FH: variants seen among roughly 807,000 people sequenced by gnomAD.
FH encodes the protein fumarate hydratase, mitochondrial.
In FH, 22 loss-of-function variants were observed where a neutral mutation model predicts 49.4. That is an observed-to-expected ratio of 0.45 (90% CI 0.32 to 0.64). The LOEUF is 0.64. Among genes scored for constraint, FH ranks in the 30% least tolerant of loss-of-function variants. The pLI is 0.05. For synonymous variants in FH, 208 were observed against 223.0 expected (o/e 0.93, Z 0.60); for missense variants, 526 against 641.5 (o/e 0.82, Z 1.95).
At chr1:241,512,248 ATCACTTGC>A in intron 3 of FH, 105 bp from the exon 4 acceptor site, 2 of 947,814 alleles carry the variant, frequency 2.1e-6, no homozygotes, top group Non-Finnish European at 3.3e-6. Context: ...CTTCTGAAGC[ATCACTTGC>A]TCCAACCACA....
rs919900269 is a variant in FH at position 241,502,653 on chromosome 1, T to C, written c.1109-83A>G. 60 of 1,469,444 alleles carry C rather than the reference T, an allele frequency of 4.1e-5. No homozygotes were observed. The African/African-American group carries it at 8.2e-4, about 20-fold the overall frequency. 91.0% of individuals were successfully genotyped at this position (1,469,444 alleles called of 1,614,324 possible). On this transcript the variant is annotated intron_variant, in intron 7 of 9. Coordinates refer to ENST00000366560, the MANE Select transcript of FH (RefSeq NM_000143.4). Reference sequence around the variant, plus strand: ...AATAAAGAAATCTAATTTCACTAAATAGAGTAAGATATACAATAAAGCAAG... The same window carrying C: ...AATAAAGAAATCTAATTTCACTAAACAGAGTAAGATATACAATAAAGCAAG...
intron 1 of FH, 98 bp downstream of exon 1, chr1:241,519,493 C>T (rs915649784): frequency 7.0e-5 from 100 of 1,421,070 alleles, no homozygotes; most frequent in African/African-American, 5.6e-4. Flanking sequence ...CCCGGACGCC[C>T]GGGGAATCTC....
intron 2 of FH, among the ~76,000 whole-genome samples, chr1:241,515,966 ATACT>A (rs1176066480): frequency 6.6e-6 from 1 of 152,210 alleles, no homozygotes; most frequent in African/African-American, 2.4e-5. Context: ...AATTGAATAA[ATACT>A]TATATATTAT....
intron 1 of FH, among the ~76,000 whole-genome samples, chr1:241,518,894 G>C (rs1041519987): frequency 6.6e-6 from 1 of 152,198 alleles, no homozygotes; most frequent in East Asian, 1.9e-4. Context: ...AAAAAGTACC[G>C]ATTCAGCTCC....
intron 2 of FH, among the ~76,000 whole-genome samples, chr1:241,516,872 C>A (rs1408294662): frequency 6.6e-6 from 1 of 151,848 alleles, no homozygotes; most frequent in African/African-American, 2.4e-5. Flanking sequence ...AGGATGGTCT[C>A]GATCTCTTGA....
Position 241,500,602 on chromosome 1 carries a change from T to TGAGAGTGAGAGAGA in FH, c.1237-13_1237-12insTCTCTCTCACTCTC. 1 of 1,488,440 alleles carries TGAGAGTGAGAGAGA rather than the reference T, an allele frequency of 6.7e-7. No homozygotes were observed. Among genetic ancestry groups the TGAGAGTGAGAGAGA allele is most frequent in the South Asian group, 1.2e-5 (1 of 84,760 alleles). 92.2% of individuals were successfully genotyped at this position (1,488,440 alleles called of 1,614,324 possible). A position where few individuals can be genotyped will look rare whatever the true frequency, so the allele number is the denominator to read the frequency against. On this transcript the variant is annotated splice_polypyrimidine_tract_variant and intron_variant, in intron 8 of 9. Coordinates refer to ENST00000366560, the MANE Select transcript of FH (RefSeq NM_000143.4). ...AACACATTTTTAATCTTTGAGTGAG[T>TGAGAGTGAGAGAGA]GAGAGAGAGAGAGAGAGAGAGAGAG... is the stretch of plus-strand genomic sequence containing the variant.
At chr1:241,507,353 A>G (rs538684724) in intron 5 of FH, among the ~76,000 whole-genome samples, 6 of 152,266 alleles carry the variant, frequency 3.9e-5, no homozygotes, top group African/African-American at 9.6e-5. Context: ...TGATGTTCAC[A>G]TAACTATGAA....
chr1:241,499,692 G>C (rs1659719781), intron 9 of FH, among the ~76,000 whole-genome samples: 1 of 152,166 alleles, frequency 6.6e-6, no homozygotes, highest in Non-Finnish European at 1.5e-5. Flanking sequence ...CAGAAAGGCA[G>C]AAAATATATT....
intron 9 of FH, among the ~76,000 whole-genome samples, chr1:241,499,105 G>A (rs1039330210): frequency 1.3e-5 from 2 of 151,912 alleles, no homozygotes; most frequent in South Asian, 2.1e-4. Context: ...TTTAATAATG[G>A]CTTTAAAGTC....
At chr1:241,511,425 C>T (rs971039021) in intron 4 of FH, among the ~76,000 whole-genome samples, 1 of 152,122 alleles carries the variant, frequency 6.6e-6, no homozygotes, top group Non-Finnish European at 1.5e-5. Flanking sequence ...CTGAGACAAT[C>T]GCAAAAGACC....
chr1:241,519,537 C>A, intron 1 of FH, 54 bp downstream of exon 1: 1 of 1,525,550 alleles, frequency 6.6e-7, no homozygotes. Flanking sequence ...GGCCGGCAGG[C>A]AGGAGGGCTG....
Position 241,497,830 on chromosome 1 carries a change from A to T in FH, c.1531T>A (p.Ter511ArgextTer3), listed in dbSNP as rs2147911172. ...TTTTCATTATAAATTTATGTAAATC[A>T]CTTTGGACCCAGCATGTCCTTAGGT... ...VKPKDMLGPK[*>R] Residue 511 changes from the stop codon to arginine (R), a stop_lost, in exon 10 of 10, where the codon TGA (stop) becomes AGA (arginine). Coordinates refer to ENST00000366560, the MANE Select transcript of FH (RefSeq NM_000143.4). 1.9e-6 allele frequency: 3 copies of T among 1,601,138 alleles called. No homozygotes were observed. Among genetic ancestry groups the T allele is most frequent in the African/African-American group, 2.7e-5 (2 of 74,420 alleles).
chr1:241,497,613 T>C lies in FH; in HGVS notation c.*215A>G. ...TAACATAGGAGAAAATTTAAGTCTG[T>C]TTTCCTTTTTATTTTATAAATGTAT... On this transcript the variant is annotated 3_prime_UTR_variant, in exon 10 of 10. Coordinates refer to ENST00000366560, the MANE Select transcript of FH (RefSeq NM_000143.4). The C allele has an allele frequency of 2.2e-6, 1 of 462,462 alleles. No homozygotes were observed. The highest frequency in any genetic ancestry group is 3.8e-6 in the Non-Finnish European group (1 of 262,216). The allele number at this position is 462,462 out of a possible 1,614,324, so 28.6% of individuals were successfully genotyped here.
Position 241,506,117 on chromosome 1 carries a change from C to T in FH, c.790G>A (p.Ala264Thr). The T allele has an allele frequency of 6.2e-7, 1 of 1,613,886 alleles. No individual in the cohort carries two copies. Among genetic ancestry groups the T allele is most frequent in the South Asian group, 1.1e-5 (1 of 91,072 alleles). The change falls in exon 6 of 10, where the codon GCT becomes ACT. Residue 264 changes from alanine to threonine, a missense_variant. This residue lies in a region of FH where 383 missense variants were observed against 514.0 expected (regional missense o/e 0.75). Transcript: ENST00000366560. ...AGCTCATAGATTCTTGGCATGGCAG[C>T]TTTTATTCTTGTCATTGCATATTTT... ...QVKYAMTRIK[A>T]AMPRIYELAA...
At chr1:241,500,395 A>T (rs1412452626) in intron 9 of FH, 42 bp downstream of exon 9, 2 of 1,600,610 alleles carry the variant, frequency 1.2e-6, no homozygotes, top group African/African-American at 1.3e-5. Context: ...TAGCTTTTTA[A>T]TTTTGCATTC....
chr1:241,513,799 A>T, intron 2 of FH, 86 bp from the exon 3 acceptor site: 2 of 993,256 alleles, frequency 2.0e-6, no homozygotes, highest in Non-Finnish European at 3.2e-6. Context: ...AAAGCTATAC[A>T]TAAAACAATA....
chr1:241,517,926 C>T (rs763841083), intron 1 of FH, among the ~76,000 whole-genome samples: 1 of 152,100 alleles, frequency 6.6e-6, no homozygotes, highest in Non-Finnish European at 1.5e-5. Context: ...ACTAATTATT[C>T]ATGTGTGATT....
chr1:241,509,078 T>C (rs1051501912), intron 4 of FH, among the ~76,000 whole-genome samples: 2 of 148,908 alleles, frequency 1.3e-5, no homozygotes, highest in Non-Finnish European at 3.0e-5. Context: ...ATATATTATG[T>C]ATTATATTAT....
Position 241,508,737 on chromosome 1 carries a change from C to G in FH, c.604G>C (p.Glu202Gln). 1 of 1,613,940 alleles carries G rather than the reference C, an allele frequency of 6.2e-7. No individual in the cohort carries two copies. Among genetic ancestry groups the G allele is most frequent in the South Asian group, 1.1e-5 (1 of 91,082 alleles). The change falls in exon 5 of 10, where the codon GAA becomes CAA. Residue 202 changes from glutamate to glutamine, a missense_variant. Glu to Gln is a conservative substitution (Grantham distance 29, BLOSUM62 2). Transcript: ENST00000366560. ...CCTGGTAACAGTACTTCATGAACTT[C>G]TATTGCAGCAGCAATGTGCATTGCT... ...PTAMHIAAAI[E>Q]VHEVLLPGLQ...
Sources: gnomAD v4.1 joint callset for allele counts (sites outside exome capture counted in the v4.1 genomes callset) on GRCh38, gnomAD v4.1.1 for gene constraint, gnomAD v4.1.1 regional missense constraint, MANE v1.5 for transcripts, NCBI Gene and HGNC (gene_info 2026-07-23, HGNC 2026-07-21) for gene names.